Variants in NKIRAS1 observed in about 807,000 individuals in gnomAD.
NKIRAS1 encodes the protein NFKB inhibitor interacting Ras like 1.
A neutral mutation model predicts 19.8 loss-of-function variants in NKIRAS1; 16 were observed. The observed-to-expected ratio is 0.81, with a 90% CI of 0.55 to 1.23. NKIRAS1 has a LOEUF of 1.23. NKIRAS1 is among the 50% of genes most tolerant of loss of function. The pLI is 0.00. For synonymous variants in NKIRAS1, 88 were observed against 79.0 expected (o/e 1.11, Z -0.61); for missense variants, 184 against 220.0 (o/e 0.84, Z 1.04).
At chr3:23,910,280 C>T (rs1198738589) in intron 3 of NKIRAS1, among the ~76,000 whole-genome samples, 1 of 151,838 alleles carries the variant, frequency 6.6e-6, no homozygotes, top group Middle Eastern at 3.2e-3. Flanking sequence ...GCCTCACCCC[C>T]TCAAGTAGCA....
upstream of NKIRAS1, among the ~76,000 whole-genome samples, chr3:23,921,182 C>T (rs763534118): frequency 9.2e-5 from 14 of 152,270 alleles, no homozygotes; most frequent in East Asian, 1.9e-4. Flanking sequence ...AGAAAGGGTT[C>T]GGGCCAAAGG....
upstream of NKIRAS1, chr3:23,918,267 T>G: frequency 1.1e-6 from 1 of 908,386 alleles, no homozygotes; most frequent in Non-Finnish European, 1.6e-6. Context: ...TGCCTCCCTG[T>G]GTGAGTAGCC....
chr3:23,932,478 C>G (rs9853954), intron 1 of NKIRAS1, among the ~76,000 whole-genome samples: 1 of 151,772 alleles, frequency 6.6e-6, no homozygotes, highest in Non-Finnish European at 1.5e-5. Context: ...CACCTGAGGT[C>G]GGGAGTCCAA....
rs752295288 is a variant in NKIRAS1, at chr3:23,891,509, C to A, written c.*1586G>T. Among the ~76,000 whole-genome samples the A allele has an allele frequency of 6.6e-6, 1 of 152,038 alleles. No individual in the cohort carries two copies. Among genetic ancestry groups the A allele is most frequent in the Non-Finnish European group, 1.5e-5 (1 of 68,016 alleles). On this transcript the variant is annotated 3_prime_UTR_variant, in exon 5 of 5. Transcript: ENST00000425478. ...TCCTAGAAAAGGTTAAATAATCTACCCCATTTAGGCTTCAAAGACGAACCC... is the reference window on the plus strand; with the variant it reads ...TCCTAGAAAAGGTTAAATAATCTACACCATTTAGGCTTCAAAGACGAACCC...
At chr3:23,903,085 T>G (rs1035934997) in intron 3 of NKIRAS1, among the ~76,000 whole-genome samples, 5 of 152,214 alleles carry the variant, frequency 3.3e-5, no homozygotes, top group Non-Finnish European at 5.9e-5. Context: ...CCTATCCATA[T>G]GCTTAGAGCT....
In NKIRAS1 at chr3:23,893,323, T is replaced by TA. The variant is rs1336512336; in HGVS notation, c.350dup (p.Leu118IlefsTer9). On this transcript the variant is annotated frameshift_variant, in exon 5 of 5. Transcript: ENST00000425478. LOFTEE classifies it high-confidence loss of function. ...CAGAAAGGTCGATTTTGTTTCCTAA[T>TA]ACCACAATTGCTACCTGAAAGAAAA... 6.2e-7 allele frequency: 1 copy of TA among 1,613,464 alleles called. No homozygotes were observed. Among genetic ancestry groups the TA allele is most frequent in the African/African-American group, 1.3e-5 (1 of 74,902 alleles).
In NKIRAS1 at chr3:23,892,342, TAC is replaced by T. The variant is rs1347608303; in HGVS notation, c.*751_*752del. On this transcript the variant is annotated 3_prime_UTR_variant, in exon 5 of 5. Coordinates refer to ENST00000425478, the MANE Select transcript of NKIRAS1 (RefSeq NM_020345.4). ...TTTTCTAGAAAACTATTCCAGAAGA[TAC>T]AGTCTTCCTTCCAGAAAATACAGCT... The T allele has an allele frequency of 1.3e-5, 2 of 152,206 alleles. No individual in the cohort carries two copies. The highest frequency in any genetic ancestry group is 2.9e-5 in the Non-Finnish European group (2 of 68,038). 9.4% of individuals were successfully genotyped at this position (152,206 alleles called of 1,614,324 possible). A position where few individuals can be genotyped will look rare whatever the true frequency, so the allele number is the denominator to read the frequency against.
chr3:23,932,209 CTG>C (rs1705330663), intron 1 of NKIRAS1, among the ~76,000 whole-genome samples: 1 of 152,090 alleles, frequency 6.6e-6, no homozygotes, highest in African/African-American at 2.4e-5. Context: ...CTTTAAACAT[CTG>C]TGAGAGTGCC....
upstream of NKIRAS1, chr3:23,920,347 T>C (rs1705006297): frequency 1.6e-5 from 16 of 985,404 alleles, no homozygotes; most frequent in Non-Finnish European, 1.9e-5. Context: ...CTCTGTCCAC[T>C]CCCATAGGCT....
chr3:23,892,911 G>A lies in NKIRAS1; in HGVS notation c.*184C>T. On this transcript the variant is annotated 3_prime_UTR_variant, in exon 5 of 5. Transcript: ENST00000425478. ...AATAAGAATATATTATTTCATATCA[G>A]GCAATAATAACCTTAGCCCAAATAC... is the stretch of plus-strand genomic sequence containing the variant. The A allele has an allele frequency of 2.3e-6, 1 of 433,196 alleles. No homozygotes were observed. Among genetic ancestry groups the A allele is most frequent in the East Asian group, 3.6e-5 (1 of 27,744 alleles). 26.8% of individuals were successfully genotyped at this position (433,196 alleles called of 1,614,324 possible).
intron 4 of NKIRAS1, among the ~76,000 whole-genome samples, chr3:23,894,524 A>G (rs1479683553): frequency 6.6e-6 from 1 of 151,670 alleles, no homozygotes; most frequent in Non-Finnish European, 1.5e-5. Context: ...ATCTTCATGT[A>G]TCTCCCCCTA....
upstream of NKIRAS1, chr3:23,918,786 C>G: frequency 1.6e-6 from 1 of 625,446 alleles, no homozygotes. Context: ...CTTGTGGAAC[C>G]TAAGCTTTAA....
At position 23,890,429 on chromosome 3, in the gene NKIRAS1, C is replaced by T. The variant is rs1398456445; in HGVS notation, c.*2666G>A. The T allele has an allele frequency of 8.1e-6, 11 of 1,361,224 alleles. No homozygotes were observed. Among genetic ancestry groups the T allele is most frequent in the Non-Finnish European group, 1.1e-5 (11 of 981,680 alleles). The allele number at this position is 1,361,224 out of a possible 1,614,324, so 84.3% of individuals were successfully genotyped here. On this transcript the variant is annotated 3_prime_UTR_variant, in exon 5 of 5. Transcript: ENST00000425478. ...ATCACACATACTTTGTCGTACGTAT[C>T]TACCCAAGCTGTCACTATTCGCTAA...
intron 3 of NKIRAS1, among the ~76,000 whole-genome samples, chr3:23,906,780 T>C (rs1046399640): frequency 1.3e-5 from 2 of 151,692 alleles, no homozygotes; most frequent in Non-Finnish European, 2.9e-5. Flanking sequence ...TCAAAGAGAG[T>C]GTCTTATATC....
chr3:23,916,932 C>T lies in NKIRAS1; in HGVS notation c.-288G>A, dbSNP rs889813881. The T allele has an allele frequency of 6.5e-6, 1 of 152,714 alleles. No individual in the cohort carries two copies. Among genetic ancestry groups the T allele is most frequent in the Non-Finnish European group, 1.5e-5 (1 of 68,088 alleles). 9.5% of individuals were successfully genotyped at this position (152,714 alleles called of 1,614,324 possible). On this transcript the variant is annotated 5_prime_UTR_variant, in exon 1 of 5. In the 5' UTR this introduces an upstream ATG that the reference lacks. Transcript: ENST00000425478. Reference sequence around the variant, plus strand: ...CGAGACCTCGCCGCCAACTCTCTCACCTCTCGAGACGCCCAGGCCGCTCAG... The same window carrying T: ...CGAGACCTCGCCGCCAACTCTCTCATCTCTCGAGACGCCCAGGCCGCTCAG...
At chr3:23,932,703 A>G (rs535009844) in intron 1 of NKIRAS1, among the ~76,000 whole-genome samples, 2 of 151,914 alleles carry the variant, frequency 1.3e-5, no homozygotes, top group Non-Finnish European at 2.9e-5. Context: ...AAAAAAAAAA[A>G]AAAAAGTAAC....
At chr3:23,903,940 G>A (rs1361855482) in intron 3 of NKIRAS1, among the ~76,000 whole-genome samples, 8 of 152,264 alleles carry the variant, frequency 5.3e-5, no homozygotes, top group African/African-American at 1.2e-4. Flanking sequence ...CAAGGTGGGC[G>A]GATCACCTGA....
chr3:23,895,025 G>A (rs925253375), intron 4 of NKIRAS1, among the ~76,000 whole-genome samples: 5 of 152,072 alleles, frequency 3.3e-5, no homozygotes, highest in African/African-American at 9.7e-5. Context: ...CACTCCCGTG[G>A]TCATATCCTA....
chr3:23,920,325 T>A (rs1705005309), upstream of NKIRAS1: 1 of 985,584 alleles, frequency 1.0e-6, no homozygotes, highest in Admixed American at 6.2e-5. Context: ...TAAAAACATC[T>A]TGGGTTACCC....
Sources: allele counts gnomAD v4.1 joint callset (sites outside exome capture counted in the v4.1 genomes callset), GRCh38; gene constraint gnomAD v4.1.1; transcripts MANE v1.5; gene names NCBI Gene and HGNC (gene_info 2026-07-23, HGNC 2026-07-21).